The following OR8B3 variants were observed in gnomAD, a reference collection of about 807,000 sequenced individuals.
The protein encoded by OR8B3 is olfactory receptor 8B3.
For synonymous variants in OR8B3, 102 were observed against 135.4 expected, an observed-to-expected ratio of 0.75 and a Z score of 1.71; for missense variants, 278 against 377.6, an observed-to-expected ratio of 0.74 and a Z score of 2.19.
At position 124,395,941 on chromosome 11, in the gene OR8B3, T is replaced by C. The variant is rs1860857802; in HGVS notation, c.*469A>G. 1 of 153,982 alleles carries C rather than the reference T, an allele frequency of 6.5e-6. No individual in the cohort carries two copies. The highest frequency in any genetic ancestry group is 2.4e-5 in the African/African-American group (1 of 41,458). The allele number at this position is 153,982 out of a possible 1,614,324, so 9.5% of individuals were successfully genotyped here. A position where few individuals can be genotyped will look rare whatever the true frequency, so the allele number is the denominator to read the frequency against. ...AGAACAAAAGGACAAGATCAAGGGGTGCTCATTCTGCTTTAAGCTACCTAC... is the reference window on the plus strand; with the variant it reads ...AGAACAAAAGGACAAGATCAAGGGGCGCTCATTCTGCTTTAAGCTACCTAC... On this transcript the variant is annotated 3_prime_UTR_variant, in exon 2 of 2. Coordinates refer to ENST00000641139, the MANE Select transcript of OR8B3 (RefSeq NM_001005467.2).
Position 124,397,204 on chromosome 11 carries a change from C to T in OR8B3, c.148G>A (p.Gly50Ser), listed in dbSNP as rs373419493. Residue 50 changes from glycine to serine, a missense_variant, in exon 2 of 2, where the codon GGT (glycine) becomes AGT (serine). Gly to Ser is a moderately conservative substitution (Grantham distance 56, BLOSUM62 0). Transcript: ENST00000641139. ...GGTGTGTGGAGGTGAGAATTTAGAC[C>T]GAAAAGAATGATCAAGCCAAGGTTG... ...VGNLGLIILF[G>S]LNSHLHTPMY... The T allele has an allele frequency of 3.0e-5, 49 of 1,609,910 alleles. No individual in the cohort carries two copies. The highest frequency in any genetic ancestry group is 1.6e-4 in the Middle Eastern group (1 of 6,076).
upstream of OR8B3, among the ~76,000 whole-genome samples, chr11:124,399,205 A>G (rs1376690908): frequency 6.6e-6 from 1 of 152,174 alleles, no homozygotes; most frequent in Admixed American, 6.5e-5. Flanking sequence ...GATTGTCAGA[A>G]TTTTTGCTAA....
upstream of OR8B3, among the ~76,000 whole-genome samples, chr11:124,403,412 C>G (rs1298278173): frequency 6.6e-6 from 1 of 151,188 alleles, no homozygotes. Context: ...GGCTGCCGGG[C>G]GGAGGGGCTC....
chr11:124,400,000 A>C (rs1287639878), upstream of OR8B3, among the ~76,000 whole-genome samples: 19 of 151,902 alleles, frequency 1.3e-4, no homozygotes, highest in Non-Finnish European at 2.9e-5. Context: ...AGCTGGGACT[A>C]CAGGCACATG....
rs1472469659 is a variant in OR8B3, at chr11:124,396,659, A to C, written c.693T>G (p.Thr231=). Residue 231 remains threonine, a synonymous_variant, in exon 2 of 2, where the codon ACT becomes ACG. Coordinates refer to ENST00000641139, the MANE Select transcript of OR8B3 (RefSeq NM_001005467.2). ...TACTGAAGGCTTTTGATCTTCCTTG[A>C]GTGGATTTGATATGAAGAATGCTAG... is the stretch of plus-strand genomic sequence containing the variant. The part of the protein sequence containing the change: ...IVTSILHIKS[T]QGRSKAFSTC... 6.2e-7 allele frequency: 1 copy of C among 1,611,968 alleles called. No individual in the cohort carries two copies. Among genetic ancestry groups the C allele is most frequent in the African/African-American group, 1.3e-5 (1 of 74,744 alleles).
Position 124,398,824 on chromosome 11 carries a change from CA to C in OR8B3, c.-153del, listed in dbSNP as rs1565351679. ...CAGAATCTTCTTCTCCCTTGACTGGCAAAAGCATTGAGCAGAGATCTCAGAA... is the reference window on the plus strand; with the variant it reads ...CAGAATCTTCTTCTCCCTTGACTGGCAAAGCATTGAGCAGAGATCTCAGAA... On this transcript the variant is annotated 5_prime_UTR_variant, in exon 1 of 2. It introduces an in-frame stop codon into an upstream open reading frame of the 5' UTR. Coordinates refer to ENST00000641139, the MANE Select transcript of OR8B3 (RefSeq NM_001005467.2). 6.6e-6 allele frequency: 1 copy of C among 152,150 alleles called. No individual in the cohort carries two copies. Among genetic ancestry groups the C allele is most frequent in the Non-Finnish European group, 1.5e-5 (1 of 68,048 alleles). The allele number at this position is 152,150 out of a possible 1,614,324, so 9.4% of individuals were successfully genotyped here.
At chr11:124,404,470 T>C in the OR8B3 span, 2 of 148,100 alleles carry the variant, frequency 1.4e-5, no homozygotes, top group South Asian at 4.2e-4. Context: ...AAATAACTTA[T>C]TTTTTTCTGT....
Position 124,396,358 on chromosome 11 carries a change from A to T in OR8B3, c.*52T>A. The T allele has an allele frequency of 6.9e-7, 1 of 1,458,920 alleles. No homozygotes were observed. Among genetic ancestry groups the T allele is most frequent in the Non-Finnish European group, 9.3e-7 (1 of 1,080,562 alleles). 90.4% of individuals were successfully genotyped at this position (1,458,920 alleles called of 1,614,324 possible). A position where few individuals can be genotyped will look rare whatever the true frequency, so the allele number is the denominator to read the frequency against. ...ACAACAAAATCTCTTCATGGAACAC[A>T]CTAATAAAAATTTAAAGTTCTTCAA... On this transcript the variant is annotated 3_prime_UTR_variant, in exon 2 of 2. Coordinates refer to ENST00000641139, the MANE Select transcript of OR8B3 (RefSeq NM_001005467.2).
At chr11:124,408,141 C>T in the OR8B3 span, among the ~76,000 whole-genome samples, 8 of 152,102 alleles carry the variant, frequency 5.3e-5, no homozygotes, top group African/African-American at 1.9e-4. Context: ...ATCCTGAGAC[C>T]TGAATTCATT....
chr11:124,404,064 C>G, the OR8B3 span, among the ~76,000 whole-genome samples: 2 of 152,132 alleles, frequency 1.3e-5, no homozygotes, highest in Admixed American at 1.3e-4. Context: ...ATGGCGGCAG[C>G]ACAGTCCAGC....
chr11:124,408,677 G>T, the OR8B3 span, among the ~76,000 whole-genome samples: 12 of 152,142 alleles, frequency 7.9e-5, no homozygotes, highest in African/African-American at 2.7e-4. Context: ...TCCCTAGGAG[G>T]CAGGACTCGA....
chr11:124,399,726 G>A (rs1350849188), upstream of OR8B3, among the ~76,000 whole-genome samples: 2 of 152,130 alleles, frequency 1.3e-5, no homozygotes, highest in East Asian at 1.9e-4. Context: ...TAGGACAATA[G>A]CAAAACCAGG....
At chr11:124,404,267 T>TTAC in the OR8B3 span, 1 of 152,202 alleles carries the variant, frequency 6.6e-6, no homozygotes, top group Admixed American at 6.5e-5. Context: ...TTTCAGAAGG[T>TTAC]AGTAGTATCT....
At chr11:124,406,879 GATAA>G in the OR8B3 span, among the ~76,000 whole-genome samples, 1 of 151,418 alleles carries the variant, frequency 6.6e-6, no homozygotes, top group East Asian at 1.9e-4. Context: ...AATTTGGTTA[GATAA>G]ATATTCAGTA....
chr11:124,402,081 C>A (rs921092544), upstream of OR8B3, among the ~76,000 whole-genome samples: 1 of 152,234 alleles, frequency 6.6e-6, no homozygotes, highest in Non-Finnish European at 1.5e-5. Flanking sequence ...TCTTGCCCTC[C>A]TGACAGCATC....
chr11:124,405,199 T>A, the OR8B3 span: 1 of 152,180 alleles, frequency 6.6e-6, no homozygotes. Context: ...ATCTGCTGGA[T>A]TGTCAGCTCA....
At chr11:124,404,768 T>C in the OR8B3 span, 2 of 152,230 alleles carry the variant, frequency 1.3e-5, no homozygotes, top group African/African-American at 2.4e-5. Flanking sequence ...GCTGAGAACA[T>C]TATTCCCACA....
chr11:124,396,915 A>C lies in OR8B3; in HGVS notation c.437T>G (p.Phe146Cys), dbSNP rs1175638974. 1 of 1,605,860 alleles carries C rather than the reference A, an allele frequency of 6.2e-7. No individual in the cohort carries two copies. Among genetic ancestry groups the C allele is most frequent in the Non-Finnish European group, 8.5e-7 (1 of 1,175,748 alleles). Reference sequence around the variant, plus strand: ...AGCCAATCCCATTATGTAAGCAGCAAAAGTGAGCATAGAACAGACCTGATG... The same window carrying C: ...AGCCAATCCCATTATGTAAGCAGCACAAGTGAGCATAGAACAGACCTGATG... ...MSHQVCSMLT[F>C]AAYIMGLAGA... The change falls in exon 2 of 2, where the codon TTT becomes TGT. Residue 146 changes from phenylalanine (F) to cysteine (C), a missense_variant. Transcript: ENST00000641139.
Position 124,396,080 on chromosome 11 carries a change from G to A in OR8B3, c.*330C>T, listed in dbSNP as rs115418526. The A allele has an allele frequency of 1.7e-3, 330 of 189,506 alleles. 2 individuals are homozygous for A. Among genetic ancestry groups the A allele is most frequent in the African/African-American group, 7.5e-3 (322 of 42,692 alleles). 11.7% of individuals were successfully genotyped at this position (189,506 alleles called of 1,614,324 possible). A position where few individuals can be genotyped will look rare whatever the true frequency, so the allele number is the denominator to read the frequency against. On this transcript the variant is annotated 3_prime_UTR_variant, in exon 2 of 2. Coordinates refer to ENST00000641139, the MANE Select transcript of OR8B3 (RefSeq NM_001005467.2). ...ACTTCTGAGTTTAGGTGAGAAAGCC[G>A]TGACTTTGACATCTTTATAATTCAT...
Sources: allele counts gnomAD v4.1 joint callset (sites outside exome capture counted in the v4.1 genomes callset), GRCh38; gene constraint gnomAD v4.1.1; transcripts MANE v1.5; gene names NCBI Gene and HGNC (gene_info 2026-07-23, HGNC 2026-07-21).